The following GRIN2A variants were observed in gnomAD, a reference collection of about 807,000 sequenced individuals.
GRIN2A encodes the protein glutamate ionotropic receptor NMDA type subunit 2A.
GRIN2A carries 22 observed loss-of-function variants against 113.4 expected under a neutral mutation model. The ratio of observed to expected loss-of-function variants is 0.19; its 90% CI spans 0.14 to 0.28. GRIN2A has a LOEUF of 0.28. GRIN2A is among the 10% of genes least tolerant of loss of function. The pLI, the probability that GRIN2A is intolerant of heterozygous loss-of-function variation, is 1.00. For missense variants in GRIN2A, 1,502 were observed against 1,887.0 expected (o/e 0.80, Z 3.78); for synonymous variants, 827 against 738.4 (o/e 1.12, Z -1.94).
chr16:9,984,397 G>A lies in GRIN2A; in HGVS notation c.415-45846C>T, dbSNP rs541797725. Among the ~76,000 whole-genome samples, 45 of 152,190 alleles carry A rather than the reference G, an allele frequency of 3.0e-4. 1 individual carries two copies. The South Asian group carries it at 8.9e-3, about 30-fold the overall frequency. On this transcript the variant is annotated intron_variant, in intron 2 of 12. Transcript: ENST00000330684. ...GTCTATTTTTGCTGATGTTACCTGTGCTTTTGAGGTCTTCTCTATAAAAAT... is the reference window on the plus strand; with the variant it reads ...GTCTATTTTTGCTGATGTTACCTGTACTTTTGAGGTCTTCTCTATAAAAAT...
intron 2 of GRIN2A, among the ~76,000 whole-genome samples, chr16:10,149,346 TA>T (rs2049516457): frequency 1.3e-5 from 2 of 152,184 alleles, no homozygotes; most frequent in Non-Finnish European, 2.9e-5. Context: ...AACAAATATA[TA>T]CACCTACTAT....
At position 10,158,168 on chromosome 16, in the gene GRIN2A, C is replaced by G. The variant is rs1209776671; in HGVS notation, c.414+21830G>C. 3.9e-5 allele frequency among the ~76,000 whole-genome samples: 6 copies of G among 152,186 alleles called. No individual in the cohort carries two copies. The South Asian group carries it at 1.0e-3, about 26-fold the overall frequency. On this transcript the variant is annotated intron_variant, in intron 2 of 12. Coordinates refer to ENST00000330684, the MANE Select transcript of GRIN2A (RefSeq NM_001134407.3). ...CACAGGCATGTGCCAACACACCCGG[C>G]TAATTTTCATATTTTTTGTAGAGAC...
In GRIN2A at chr16:9,764,294, C is replaced by T. The variant is rs761296880; in HGVS notation, c.3250G>A (p.Asp1084Asn). The T allele has an allele frequency of 1.2e-6, 2 of 1,613,934 alleles. No individual in the cohort carries two copies. The highest frequency in any genetic ancestry group is 1.7e-6 in the Non-Finnish European group (2 of 1,179,996). ...PDNSKNHKTK[D>N]NFKRSVASKY... ...GAGGCCACTGACCTTTTAAAGTTGT[C>T]CTTGGTTTTGTGGTTCTTACTGTTG... The change falls in exon 13 of 13, where the codon GAC becomes AAC. Residue 1084 changes from aspartate to asparagine, a missense_variant. Physicochemically the swap from Asp to Asn is conservative, Grantham distance 23 (BLOSUM62 1). Transcript: ENST00000330684.
At chr16:10,066,946 G>A (rs899586381) in intron 2 of GRIN2A, among the ~76,000 whole-genome samples, 3 of 152,084 alleles carry the variant, frequency 2.0e-5, no homozygotes, top group East Asian at 3.9e-4. Flanking sequence ...ATTAGCCAGC[G>A]TTCAAAAACA....
intron 3 of GRIN2A, among the ~76,000 whole-genome samples, chr16:9,922,812 A>G (rs940460673): frequency 8.5e-5 from 13 of 152,318 alleles, no homozygotes; most frequent in African/African-American, 2.9e-4. Flanking sequence ...GAGATCTTTC[A>G]GTTATTAGAT....
intron 4 of GRIN2A, among the ~76,000 whole-genome samples, chr16:9,863,043 A>T (rs2043097871): frequency 6.6e-6 from 1 of 152,182 alleles, no homozygotes; most frequent in African/African-American, 2.4e-5. Context: ...GCAAACAGGG[A>T]ATTTAAGTGA....
chr16:9,789,760 A>G (rs946622259), intron 11 of GRIN2A, among the ~76,000 whole-genome samples: 11 of 152,352 alleles, frequency 7.2e-5, no homozygotes, highest in African/African-American at 1.7e-4. Flanking sequence ...AGAATTCTCT[A>G]TTCATGCTAA....
intron 4 of GRIN2A, among the ~76,000 whole-genome samples, chr16:9,862,498 A>T (rs1006354884): frequency 6.6e-6 from 1 of 152,200 alleles, no homozygotes; most frequent in Non-Finnish European, 1.5e-5. Context: ...CTCAGCCAAC[A>T]GGGGAAGAGC....
intron 2 of GRIN2A, among the ~76,000 whole-genome samples, chr16:10,086,605 CAAAAAAAA>C (rs3033377): frequency 0.29 from 28,742 of 99,872 alleles, 3,416 homozygotes; most frequent in East Asian, 0.52. Context: ...GGAGCAGCTC[CAAAAAAAA>C]AAAAAAAAAA....
chr16:9,903,739 C>A (rs2043978268), intron 3 of GRIN2A, among the ~76,000 whole-genome samples: 1 of 152,190 alleles, frequency 6.6e-6, no homozygotes, highest in African/African-American at 2.4e-5. Flanking sequence ...TGGCACACAC[C>A]ACTTAGAGGG....
At chr16:10,013,543 G>T (rs1004642364) in intron 2 of GRIN2A, among the ~76,000 whole-genome samples, 2 of 152,112 alleles carry the variant, frequency 1.3e-5, no homozygotes, top group Non-Finnish European at 2.9e-5. Flanking sequence ...ACAGCCCTTC[G>T]TATGTTTGAA....
intron 2 of GRIN2A, among the ~76,000 whole-genome samples, chr16:10,054,643 AT>A (rs2047414313): frequency 6.6e-6 from 1 of 152,226 alleles, no homozygotes; most frequent in Non-Finnish European, 1.5e-5. Context: ...GATAAGTAAA[AT>A]TTTTATACAT....
chr16:9,892,379 C>T (rs1192603973), intron 3 of GRIN2A, among the ~76,000 whole-genome samples: 2 of 152,116 alleles, frequency 1.3e-5, no homozygotes, highest in Non-Finnish European at 2.9e-5. Context: ...TTATGCTATT[C>T]TTACAAACCA....
At chr16:10,042,413 G>A (rs984829353) in intron 2 of GRIN2A, among the ~76,000 whole-genome samples, 3 of 152,020 alleles carry the variant, frequency 2.0e-5, no homozygotes, top group Non-Finnish European at 2.9e-5. Flanking sequence ...ATCAATAAAT[G>A]AGGCCCCCTG....
At chr16:9,881,077 C>A (rs1208735008) in intron 4 of GRIN2A, among the ~76,000 whole-genome samples, 1 of 152,006 alleles carries the variant, frequency 6.6e-6, no homozygotes, top group East Asian at 1.9e-4. Flanking sequence ...TACATAATAC[C>A]CTAAGTTCTA....
At chr16:9,881,914 A>G (rs1454318614) in intron 4 of GRIN2A, among the ~76,000 whole-genome samples, 1 of 152,130 alleles carries the variant, frequency 6.6e-6, no homozygotes, top group African/African-American at 2.4e-5. Flanking sequence ...CACAATTGCA[A>G]TTTTTCTCCA....
intron 10 of GRIN2A, among the ~76,000 whole-genome samples, chr16:9,816,858 C>T (rs142167283): frequency 1.1e-3 from 163 of 152,284 alleles, no homozygotes; most frequent in African/African-American, 3.7e-3. Context: ...AGCACCTATT[C>T]TGATTCAGAC....
At chr16:10,019,486 T>C (rs1209430192) in intron 2 of GRIN2A, among the ~76,000 whole-genome samples, 2 of 152,242 alleles carry the variant, frequency 1.3e-5, no homozygotes, top group African/African-American at 4.8e-5. Context: ...AAATTGTATT[T>C]CTAAGCAGAA....
At chr16:10,121,382 T>A (rs75194938) in intron 2 of GRIN2A, 28,030 of 152,060 alleles carry the variant, frequency 0.18, 3,209 homozygotes, top group East Asian at 0.4. Context: ...GCTTAGAAGC[T>A]GTTATGAGGA....
Sources: allele counts gnomAD v4.1 joint callset (sites outside exome capture counted in the v4.1 genomes callset), GRCh38; gene constraint gnomAD v4.1.1; transcripts MANE v1.5; gene names NCBI Gene and HGNC (gene_info 2026-07-23, HGNC 2026-07-21).